Variants in GRM8 observed in about 807,000 individuals in gnomAD.
GRM8 encodes metabotropic glutamate receptor 8.
In GRM8, 47 loss-of-function variants were observed where a neutral mutation model predicts 87.2. The observed-to-expected ratio is 0.54, with a 90% CI of 0.43 to 0.69. The LOEUF (loss-of-function observed/expected upper bound fraction) is 0.69, where lower values mean the gene tolerates loss of function less well. Ranked by LOEUF, GRM8 falls within the 30% of genes least tolerant of loss-of-function variation. The pLI is 0.00. For synonymous variants in GRM8, 396 were observed against 404.5 expected, an observed-to-expected ratio of 0.98 and a Z score of 0.25; for missense variants, 1,019 against 1,139.2, an observed-to-expected ratio of 0.89 and a Z score of 1.52.
chr7:126,479,149 G>C (rs28496988), intron 9 of GRM8, among the ~76,000 whole-genome samples: 4,161 of 152,090 alleles, frequency 0.027, 172 homozygotes, highest in African/African-American at 0.094. Context: ...TTCTTCACAA[G>C]CAAATGAAAT....
intron 2 of GRM8, among the ~76,000 whole-genome samples, chr7:127,173,097 A>C (rs1254987909): frequency 6.6e-6 from 1 of 152,244 alleles, no homozygotes; most frequent in Non-Finnish European, 1.5e-5. Flanking sequence ...TGGTCTAGGC[A>C]CCAGGAATAT....
At chr7:126,740,609 T>C (rs17150207) in intron 7 of GRM8, among the ~76,000 whole-genome samples, 4,273 of 152,224 alleles carry the variant, frequency 0.028, 223 homozygotes, top group African/African-American at 0.098. Context: ...TTCCCTGACC[T>C]TGAACAAATC....
At position 126,565,335 on chromosome 7, in the gene GRM8, A is replaced by G. The variant is rs184257622; in HGVS notation, c.1495-31448T>C. 8.4e-4 allele frequency among the ~76,000 whole-genome samples: 128 copies of G among 151,862 alleles called. 1 individual carries two copies. Among genetic ancestry groups the G allele is most frequent in the African/African-American group, 2.8e-3 (118 of 41,576 alleles). ...AAAAAACAAAACAAAACACTGTTAG[A>G]ACAAACAAATTCAATAGAGTTAAAT... On this transcript the variant is annotated intron_variant, in intron 8 of 10. Coordinates refer to ENST00000339582, the MANE Select transcript of GRM8 (RefSeq NM_000845.3).
chr7:126,582,291 C>G (rs1795684460), intron 8 of GRM8, among the ~76,000 whole-genome samples: 1 of 152,070 alleles, frequency 6.6e-6, no homozygotes, highest in East Asian at 1.9e-4. Context: ...CACAACATTC[C>G]CTTAAACCAA....
intron 6 of GRM8, among the ~76,000 whole-genome samples, chr7:126,818,964 A>T (rs1249906065): frequency 6.6e-6 from 1 of 152,084 alleles, no homozygotes; most frequent in Non-Finnish European, 1.5e-5. Context: ...AACCCCTGTC[A>T]CTTCCACCTT....
At chr7:126,633,622 T>C (rs1453126668) in intron 7 of GRM8, among the ~76,000 whole-genome samples, 2 of 152,142 alleles carry the variant, frequency 1.3e-5, no homozygotes, top group African/African-American at 4.8e-5. Flanking sequence ...ATCTTAAATG[T>C]TGAAGACCTT....
intron 3 of GRM8, among the ~76,000 whole-genome samples, chr7:126,961,679 A>G (rs941593207): frequency 3.3e-5 from 5 of 152,168 alleles, no homozygotes; most frequent in African/African-American, 9.7e-5. Context: ...TTTTCATACT[A>G]TCTCTCCGGC....
chr7:126,516,064 A>G (rs2150767178), intron 9 of GRM8, among the ~76,000 whole-genome samples: 1 of 152,136 alleles, frequency 6.6e-6, no homozygotes, highest in South Asian at 2.1e-4. Flanking sequence ...TATTTGTAGA[A>G]TTTTATTAAA....
chr7:126,469,751 A>G (rs2150550961), intron 9 of GRM8, among the ~76,000 whole-genome samples: 1 of 152,276 alleles, frequency 6.6e-6, no homozygotes, highest in South Asian at 2.1e-4. Context: ...CCATTTATAA[A>G]TTACCTAGTC....
chr7:126,595,031 T>TA, intron 8 of GRM8, among the ~76,000 whole-genome samples: 1 of 151,854 alleles, frequency 6.6e-6, no homozygotes, highest in Admixed American at 6.6e-5. Context: ...TAGTCAACAA[T>TA]AAAAAGCAAT....
At chr7:126,894,395 C>T (rs547849968) in intron 6 of GRM8, among the ~76,000 whole-genome samples, 117 of 152,146 alleles carry the variant, frequency 7.7e-4, no homozygotes, top group Middle Eastern at 3.4e-3. Flanking sequence ...TATTCAGATA[C>T]ATTCATCTTC....
chr7:126,958,552 G>A (rs981655763), intron 3 of GRM8, among the ~76,000 whole-genome samples: 15 of 152,152 alleles, frequency 9.9e-5, no homozygotes, highest in Non-Finnish European at 7.4e-5. Context: ...TGGATCCAAC[G>A]CTCGCTTGTT....
intron 3 of GRM8, chr7:127,058,130 ACG>A: frequency 1.9e-6 from 1 of 520,724 alleles, no homozygotes; most frequent in Non-Finnish European, 3.9e-6. Context: ...CCACGTGATG[ACG>A]CTGTGCCATC....
chr7:126,928,639 T>C (rs1170144306), intron 3 of GRM8, among the ~76,000 whole-genome samples: 1 of 142,948 alleles, frequency 7.0e-6, no homozygotes, highest in South Asian at 2.2e-4. Context: ...GCCAGTGTAC[T>C]CCAGCATGGA....
intron 6 of GRM8, among the ~76,000 whole-genome samples, chr7:126,882,989 C>T (rs556992452): frequency 5.3e-5 from 8 of 152,274 alleles, no homozygotes; most frequent in African/African-American, 1.9e-4. Flanking sequence ...TAAAGGCTGG[C>T]CTCAGGTAGC....
chr7:126,775,895 C>T (rs930892612), intron 6 of GRM8, among the ~76,000 whole-genome samples: 1 of 152,110 alleles, frequency 6.6e-6, no homozygotes, highest in African/African-American at 2.4e-5. Context: ...TGCTGCACCA[C>T]ACACCTCTCT....
intron 8 of GRM8, among the ~76,000 whole-genome samples, chr7:126,598,091 T>G (rs1486686108): frequency 1.3e-5 from 2 of 152,102 alleles, no homozygotes; most frequent in Non-Finnish European, 2.9e-5. Flanking sequence ...TCCCTGCCTT[T>G]GCTAACCATC....
chr7:126,807,972 A>T (rs1268246953), intron 6 of GRM8, among the ~76,000 whole-genome samples: 1 of 152,142 alleles, frequency 6.6e-6, no homozygotes, highest in African/African-American at 2.4e-5. Context: ...CAAAAAGGAG[A>T]CCTAGATGAT....
Position 127,059,730 on chromosome 7 carries a change from G to A in GRM8, c.727+46766C>T, listed in dbSNP as rs183844718. On this transcript the variant is annotated intron_variant, in intron 3 of 10. Transcript: ENST00000339582. ...TAGCCTCTAGATAACTCATGAATAC[G>A]CTGCATCAATGCAGTGGAGTTTTCT... 3.0e-3 allele frequency among the ~76,000 whole-genome samples: 451 copies of A among 152,244 alleles called. 1 individual carries two copies. The highest frequency in any genetic ancestry group is 6.7e-3 in the Admixed American group (103 of 15,298).
Sources: allele counts gnomAD v4.1 joint callset (sites outside exome capture counted in the v4.1 genomes callset), GRCh38; gene constraint gnomAD v4.1.1; transcripts MANE v1.5; gene names NCBI Gene and HGNC (gene_info 2026-07-23, HGNC 2026-07-21).